TRAF1: variants seen among roughly 807,000 people sequenced by gnomAD.
TRAF1 encodes TNF receptor-associated factor 1.
TRAF1 carries 23 observed loss-of-function variants against 40.9 expected under a neutral mutation model. The observed-to-expected ratio is 0.56, with a 90% CI of 0.40 to 0.80. The LOEUF (loss-of-function observed/expected upper bound fraction) is 0.80. Among genes scored for constraint, TRAF1 ranks in the 30% least tolerant of loss-of-function variants. The pLI is 0.00. For missense variants in TRAF1, 477 were observed against 528.7 expected, an observed-to-expected ratio of 0.90 and a Z score of 0.96; for synonymous variants, 206 against 218.8, an observed-to-expected ratio of 0.94 and a Z score of 0.52.
intron 2 of TRAF1, among the ~76,000 whole-genome samples, chr9:120,924,642 T>C (rs1019887832): frequency 2.6e-5 from 4 of 152,242 alleles, no homozygotes. Context: ...CTCAAACTCC[T>C]GACCTCAAGT....
chr9:120,918,851 C>T (rs1338909158), intron 3 of TRAF1, among the ~76,000 whole-genome samples: 2 of 152,210 alleles, frequency 1.3e-5, no homozygotes, highest in African/African-American at 2.4e-5. Context: ...GCTTGCTGCT[C>T]TCCTGGCACT....
Position 120,904,065 on chromosome 9 carries a change from G to A in TRAF1, c.*955C>T, listed in dbSNP as rs1229136126. The A allele has an allele frequency of 6.6e-6, 1 of 152,258 alleles. No individual in the cohort carries two copies. Among genetic ancestry groups the A allele is most frequent in the Admixed American group, 6.5e-5 (1 of 15,282 alleles). The allele number at this position is 152,258 out of a possible 1,614,324, so 9.4% of individuals were successfully genotyped here. ...AAGAAGTGGATGCCTCAGTTAATCA[G>A]GTGTTACGGGATTCTGGAAAGCACC... is the stretch of plus-strand genomic sequence containing the variant. On this transcript the variant is annotated 3_prime_UTR_variant, in exon 8 of 8. Transcript: ENST00000373887.
chr9:120,917,178 C>T (rs913916397), intron 3 of TRAF1, among the ~76,000 whole-genome samples: 7 of 152,118 alleles, frequency 4.6e-5, no homozygotes, highest in African/African-American at 1.2e-4. Context: ...TTCTGTGATG[C>T]GTGTACAGAT....
At chr9:120,929,169 A>T (rs1301901414), upstream of TRAF1, 3 of 152,212 alleles carry the variant, frequency 2.0e-5, no homozygotes, top group Non-Finnish European at 4.4e-5. This position sits in a 1 kb window ranked among gnomAD's most constrained non-coding sequence, Gnocchi z 4.5. Flanking sequence ...CTTCCGGTGG[A>T]GTGTGAAGGA....
chr9:120,911,229 T>C, intron 6 of TRAF1, 107 bp downstream of exon 6: 1 of 1,336,778 alleles, frequency 7.5e-7, no homozygotes, highest in Non-Finnish European at 1.0e-6. Context: ...TGGCCTAAAC[T>C]GGACACAGCG....
Position 120,923,763 on chromosome 9 carries a change from C to CA in TRAF1, c.169dup (p.Cys57LeufsTer27). 6.2e-7 allele frequency: 1 copy of CA among 1,614,146 alleles called. No homozygotes were observed. Among genetic ancestry groups the CA allele is most frequent in the Non-Finnish European group, 8.5e-7 (1 of 1,180,016 alleles). ...TATAGACTGGAGGTCTTCCCCTCTGCATTTGGGGCAGATCTGATCCTCGCC... is the reference window on the plus strand; with the variant it reads ...TATAGACTGGAGGTCTTCCCCTCTGCAATTTGGGGCAGATCTGATCCTCGCC... On this transcript the variant is annotated frameshift_variant, in exon 3 of 8. Coordinates refer to ENST00000373887, the MANE Select transcript of TRAF1 (RefSeq NM_005658.5). LOFTEE classifies it high-confidence loss of function.
rs1588150468 is a variant in TRAF1 at position 120,914,295 on chromosome 9, G to A, written c.234C>T (p.His78=). The stretch of plus-strand genomic sequence containing the variant: ...CAATTCCAGCCTCAGCCACCTCGGG[G>A]TGAGCCTGGAAATAATAATCACATC... ...GSRLRTQEKA[H]PEVAEAGIGC... Residue 78 remains histidine, a synonymous_variant, in exon 4 of 8, where the codon CAC becomes CAT. Coordinates refer to ENST00000373887, the MANE Select transcript of TRAF1 (RefSeq NM_005658.5). The A allele has an allele frequency of 6.6e-7, 1 of 1,520,410 alleles. No homozygotes were observed. The highest frequency in any genetic ancestry group is 1.3e-5 in the South Asian group (1 of 78,482). 94.2% of individuals were successfully genotyped at this position (1,520,410 alleles called of 1,614,324 possible).
chr9:120,909,949 C>T (rs1463516220), intron 6 of TRAF1, among the ~76,000 whole-genome samples: 4 of 152,166 alleles, frequency 2.6e-5, no homozygotes, highest in Non-Finnish European at 5.9e-5. Context: ...GCTGGGGTCC[C>T]CTGGAGGCTG....
chr9:120,928,495 G>C (rs978829430), upstream of TRAF1: 1 of 152,502 alleles, frequency 6.6e-6, no homozygotes, highest in African/African-American at 2.4e-5. Flanking sequence ...TCCTTTCCCC[G>C]GCTTCCCGCA....
rs191160258 is a variant in TRAF1, at chr9:120,925,111, C to T, written c.140+825G>A. Among the ~76,000 whole-genome samples, 287 of 152,364 alleles carry T rather than the reference C, an allele frequency of 1.9e-3. 1 individual carries two copies. The highest frequency in any genetic ancestry group is 3.4e-3 in the Non-Finnish European group (229 of 68,028). Reference sequence around the variant, plus strand: ...CCTTTGTCGTCATGTTTGAACTTCTCACTTGCCTGATTCAGCTTTGCCACC... The same window carrying T: ...CCTTTGTCGTCATGTTTGAACTTCTTACTTGCCTGATTCAGCTTTGCCACC... On this transcript the variant is annotated intron_variant, in intron 2 of 7. Coordinates refer to ENST00000373887, the MANE Select transcript of TRAF1 (RefSeq NM_005658.5).
upstream of TRAF1, chr9:120,928,880 G>T: frequency 6.6e-6 from 1 of 152,458 alleles, no homozygotes. Flanking sequence ...CTGGGAGCCA[G>T]GCAGCGCCGG....
At chr9:120,913,279 A>G in intron 5 of TRAF1, 49 bp downstream of exon 5, 1 of 1,541,772 alleles carries the variant, frequency 6.5e-7, no homozygotes, top group Admixed American at 2.0e-5. Flanking sequence ...CTCTGGAGAC[A>G]GGATGGGGCT....
intron 5 of TRAF1, 128 bp downstream of exon 5, chr9:120,913,200 G>C (rs901322944): frequency 1.7e-6 from 2 of 1,188,138 alleles, no homozygotes; most frequent in Non-Finnish European, 2.3e-6. Context: ...GTGGGATAAA[G>C]GGGAGATACG....
At chr9:120,923,847 C>A in intron 2 of TRAF1, 55 bp from the exon 3 acceptor site, 1 of 1,510,820 alleles carries the variant, frequency 6.6e-7, no homozygotes, top group South Asian at 1.1e-5. Context: ...CCTGCACCAT[C>A]CACTCTCCTG....
At chr9:120,924,161 A>AG (rs1258993842) in intron 2 of TRAF1, among the ~76,000 whole-genome samples, 1 of 152,224 alleles carries the variant, frequency 6.6e-6, no homozygotes, top group Non-Finnish European at 1.5e-5. Flanking sequence ...TTCTAAAAAA[A>AG]ATTCTGAATT....
chr9:120,925,959 T>C lies in TRAF1; in HGVS notation c.117A>G (p.Ala39=), dbSNP rs2046637403. 4 of 1,613,820 alleles carry C rather than the reference T, an allele frequency of 2.5e-6. No individual in the cohort carries two copies. The highest frequency in any genetic ancestry group is 1.3e-5 in the African/African-American group (1 of 74,894). The change falls in exon 2 of 8, where the codon GCA becomes GCG. Residue 39 remains alanine, a synonymous_variant. Transcript: ENST00000373887. ...ACCTCGGGTTCTCAGAGAGACAGCC[T>C]GCACAGCAGAGAGCCCTGGGCTCCT... ...DPKEPRALCC[A]GCLSENPRNG...
At chr9:120,924,587 G>A (rs567006617) in intron 2 of TRAF1, among the ~76,000 whole-genome samples, 2 of 152,216 alleles carry the variant, frequency 1.3e-5, no homozygotes, top group Non-Finnish European at 2.9e-5. Flanking sequence ...GCTAATTCTT[G>A]TATTTTTAGT....
intron 3 of TRAF1, among the ~76,000 whole-genome samples, chr9:120,915,387 A>C (rs1286712239): frequency 4.6e-5 from 7 of 152,254 alleles, no homozygotes; most frequent in Non-Finnish European, 1.5e-5. Context: ...AAGGTACAGT[A>C]AGAATACAGT....
In TRAF1 at chr9:120,913,485, T is replaced by G; in HGVS notation, c.548A>C (p.Lys183Thr). ...QEELALQHFM[K>T]EKLLAELEGK... ...CTCCAGCTCAGCCAGAAGCTTCTCCTTCATGAAGTGCTGCAGGGCCAGCTC... is the reference window on the plus strand; with the variant it reads ...CTCCAGCTCAGCCAGAAGCTTCTCCGTCATGAAGTGCTGCAGGGCCAGCTC... The change falls in exon 5 of 8, where the codon AAG becomes ACG. Residue 183 changes from lysine to threonine, a missense_variant. Transcript: ENST00000373887. 6.2e-7 allele frequency: 1 copy of G among 1,614,018 alleles called. No individual in the cohort carries two copies. The highest frequency in any genetic ancestry group is 8.5e-7 in the Non-Finnish European group (1 of 1,180,000).
Sources: gnomAD v4.1 joint callset for allele counts (sites outside exome capture counted in the v4.1 genomes callset) on GRCh38, gnomAD v4.1.1 for gene constraint, Gnocchi (gnomAD v3.1) non-coding constraint, MANE v1.5 for transcripts, NCBI Gene and HGNC (gene_info 2026-07-23, HGNC 2026-07-21) for gene names.